UACA: variants seen among roughly 807,000 people sequenced by gnomAD.
UACA encodes nuclear membrane binding protein.
In UACA, 112 loss-of-function variants were observed where a neutral mutation model predicts 160.5. The ratio of observed to expected loss-of-function variants is 0.70; its 90% CI spans 0.60 to 0.82. The LOEUF (loss-of-function observed/expected upper bound fraction) is 0.82, where lower values mean the gene tolerates loss of function less well. Among genes scored for constraint, UACA ranks in the 40% least tolerant of loss-of-function variants. UACA has a pLI of 0.00. For synonymous variants in UACA, 557 were observed against 568.4 expected, an observed-to-expected ratio of 0.98 and a Z score of 0.29; for missense variants, 1,574 against 1,614.6, an observed-to-expected ratio of 0.97 and a Z score of 0.43.
intron 1 of UACA, among the ~76,000 whole-genome samples, chr15:70,712,657 T>A (rs967633251): frequency 1.6e-4 from 25 of 152,198 alleles, no homozygotes; most frequent in African/African-American, 6.0e-4. Context: ...ACCCTGTTTC[T>A]CATTTTATAC....
chr15:70,727,080 T>A (rs953549082), intron 1 of UACA, among the ~76,000 whole-genome samples: 5 of 152,190 alleles, frequency 3.3e-5, no homozygotes, highest in African/African-American at 1.2e-4. Flanking sequence ...AGTATAAGGC[T>A]GTAGTATAAG....
At chr15:70,762,417 G>A (rs2030820552) in intron 1 of UACA, among the ~76,000 whole-genome samples, 1 of 152,212 alleles carries the variant, frequency 6.6e-6, no homozygotes, top group Non-Finnish European at 1.5e-5. Flanking sequence ...ACTCTTCCAA[G>A]ACTTTGTAAG....
intron 1 of UACA, among the ~76,000 whole-genome samples, chr15:70,739,568 C>A (rs1348424160): frequency 6.6e-6 from 1 of 152,112 alleles, no homozygotes. Flanking sequence ...TTCTAAAGTG[C>A]AAACTTTATT....
chr15:70,691,046 A>G (rs537589911), intron 4 of UACA, among the ~76,000 whole-genome samples: 4 of 152,306 alleles, frequency 2.6e-5, no homozygotes, highest in Non-Finnish European at 5.9e-5. Context: ...GAAAATTCCA[A>G]CCTTCAGCTA....
intron 9 of UACA, chr15:70,681,436 A>T (rs1897501675): frequency 6.6e-6 from 1 of 152,198 alleles, no homozygotes; most frequent in African/African-American, 2.4e-5. Flanking sequence ...ACGGAAACAC[A>T]GTAATTAGGA....
chr15:70,688,957 G>A (rs370050991), intron 5 of UACA, among the ~76,000 whole-genome samples: 20 of 152,248 alleles, frequency 1.3e-4, no homozygotes, highest in South Asian at 4.2e-4. Flanking sequence ...AGTAGGTTTC[G>A]GAATATGACT....
chr15:70,749,761 C>G (rs887081301), intron 1 of UACA, among the ~76,000 whole-genome samples: 16 of 149,692 alleles, frequency 1.1e-4, no homozygotes, highest in African/African-American at 3.9e-4. Context: ...AAAATCTGTG[C>G]TTATAAAGAT....
chr15:70,665,537 T>C (rs1896872576), intron 16 of UACA, among the ~76,000 whole-genome samples: 1 of 152,004 alleles, frequency 6.6e-6, no homozygotes. Context: ...ACTCAGGAAT[T>C]CAAGACCAGC....
At chr15:70,751,989 C>T (rs2030100257) in intron 1 of UACA, among the ~76,000 whole-genome samples, 1 of 152,202 alleles carries the variant, frequency 6.6e-6, no homozygotes, top group Middle Eastern at 3.4e-3. Context: ...TGGGAGCCAG[C>T]ACTTTGGGAG....
chr15:70,660,465 T>C (rs1896667155), intron 17 of UACA: 1 of 455,696 alleles, frequency 2.2e-6, no homozygotes, highest in Non-Finnish European at 3.9e-6. Context: ...ATTGCTTTAG[T>C]TCATATCTAG....
chr15:70,708,902 A>C (rs568471075), intron 1 of UACA, among the ~76,000 whole-genome samples: 1 of 152,216 alleles, frequency 6.6e-6, no homozygotes, highest in Admixed American at 6.5e-5. Flanking sequence ...ATGAGAGTTC[A>C]TTATAGTAAA....
rs1566955741 is a variant in UACA, at chr15:70,655,197, T to C, written c.*1859A>G. 1 of 152,216 alleles carries C rather than the reference T, an allele frequency of 6.6e-6. No homozygotes were observed. Among genetic ancestry groups the C allele is most frequent in the African/African-American group, 2.4e-5 (1 of 41,464 alleles). The allele number at this position is 152,216 out of a possible 1,614,324, so 9.4% of individuals were successfully genotyped here. On this transcript the variant is annotated 3_prime_UTR_variant, in exon 19 of 19. Coordinates refer to ENST00000322954, the MANE Select transcript of UACA (RefSeq NM_018003.4). Reference sequence around the variant, plus strand: ...CTAATATGGAAAATAAAACACTTAATATGAATACTCAGTTTTAAACTTTGC... The same window carrying C: ...CTAATATGGAAAATAAAACACTTAACATGAATACTCAGTTTTAAACTTTGC...
In UACA at chr15:70,667,478, T is replaced by A. The variant is rs762440473; in HGVS notation, c.3206A>T (p.Asn1069Ile). 22 of 1,610,952 alleles carry A rather than the reference T, an allele frequency of 1.4e-5. No individual in the cohort carries two copies. The East Asian group carries it at 3.8e-4, about 28-fold the overall frequency. Residue 1069 changes from asparagine (N) to isoleucine (I), a missense_variant, in exon 16 of 19, where the codon AAC (asparagine) becomes ATC (isoleucine). Asn to Ile is a moderately radical substitution (Grantham distance 149). Coordinates refer to ENST00000322954, the MANE Select transcript of UACA (RefSeq NM_018003.4). ...CTGTGACAAGTCTTTTAACTGTTTGTTTAGCTCGTCTGTTTTTCTGCTTAA... is the reference window on the plus strand; with the variant it reads ...CTGTGACAAGTCTTTTAACTGTTTGATTAGCTCGTCTGTTTTTCTGCTTAA... The part of the protein sequence containing the change: ...RALSRKTDEL[N>I]KQLKDLSQKY...
At chr15:70,767,478 C>T (rs954749144), upstream of UACA, among the ~76,000 whole-genome samples, 2 of 151,494 alleles carry the variant, frequency 1.3e-5, no homozygotes, top group African/African-American at 4.9e-5. Flanking sequence ...ATCCCAGCTA[C>T]TGGGGAGGCT....
intron 8 of UACA, among the ~76,000 whole-genome samples, 189 bp from the exon 9 acceptor site, chr15:70,682,984 T>C (rs1166711105): frequency 6.6e-6 from 1 of 152,158 alleles, no homozygotes; most frequent in African/African-American, 2.4e-5. Flanking sequence ...CTTTTGCCTA[T>C]CAAATTAGCA....
intron 17 of UACA, among the ~76,000 whole-genome samples, chr15:70,663,512 T>C (rs1896793181): frequency 6.6e-6 from 1 of 152,158 alleles, no homozygotes; most frequent in Non-Finnish European, 1.5e-5. Context: ...TTACTGGGTA[T>C]ATACCCAAAG....
the UACA span, among the ~76,000 whole-genome samples, chr15:70,774,835 C>G: frequency 6.6e-6 from 1 of 152,046 alleles, no homozygotes; most frequent in African/African-American, 2.4e-5. Context: ...GGGGGGATTA[C>G]TTCAGGCCAG....
intron 1 of UACA, among the ~76,000 whole-genome samples, chr15:70,719,224 G>C (rs1898919225): frequency 6.6e-6 from 1 of 152,218 alleles, no homozygotes; most frequent in Non-Finnish European, 1.5e-5. Flanking sequence ...TCCTGGACTT[G>C]CAAGGTAGAA....
At chr15:70,746,510 T>C (rs1170185851) in intron 1 of UACA, among the ~76,000 whole-genome samples, 3 of 152,218 alleles carry the variant, frequency 2.0e-5, no homozygotes, top group East Asian at 3.9e-4. Context: ...CATGGAGAAA[T>C]AGGAATGCTT....
Sources: gnomAD v4.1 joint callset for allele counts (sites outside exome capture counted in the v4.1 genomes callset) on GRCh38, gnomAD v4.1.1 for gene constraint, MANE v1.5 for transcripts, NCBI Gene and HGNC (gene_info 2026-07-23, HGNC 2026-07-21) for gene names.